RBFOX1: variants seen among roughly 807,000 people sequenced by gnomAD.
RBFOX1 encodes the protein RNA binding protein fox-1 homolog 1.
In RBFOX1, 8 loss-of-function variants were observed where a neutral mutation model predicts 57.7. The observed-to-expected ratio is 0.14, with a 90% confidence interval of 0.08 to 0.25. RBFOX1 has a LOEUF of 0.25. Among genes scored for constraint, RBFOX1 ranks in the 10% least tolerant of loss-of-function variants. RBFOX1 has a pLI of 1.00. For synonymous variants in RBFOX1, 326 were observed against 222.4 expected (o/e 1.47, Z -4.15); for missense variants, 611 against 548.5 (o/e 1.11, Z -1.14).
intron 3 of RBFOX1, among the ~76,000 whole-genome samples, chr16:6,860,642 T>G (rs1274947540): frequency 6.6e-6 from 1 of 152,298 alleles, no homozygotes; most frequent in Admixed American, 6.5e-5. Flanking sequence ...AACCAGACAT[T>G]AATTGTCCAC....
chr16:5,694,836 C>T (rs527443037), intron 3 of RBFOX1, among the ~76,000 whole-genome samples: 7 of 151,040 alleles, frequency 4.6e-5, no homozygotes, highest in Admixed American at 1.3e-4. Context: ...GCAATTGGAG[C>T]GATGGGGAGA....
chr16:6,590,434 A>G (rs1031907140), intron 2 of RBFOX1, among the ~76,000 whole-genome samples: 10 of 152,138 alleles, frequency 6.6e-5, no homozygotes, highest in African/African-American at 2.2e-4. Context: ...TGTAGGTGGT[A>G]TAGAATTCCA....
chr16:7,245,275 T>C (rs1358003465), intron 4 of RBFOX1, among the ~76,000 whole-genome samples: 2 of 152,236 alleles, frequency 1.3e-5, no homozygotes, highest in Non-Finnish European at 1.5e-5. Flanking sequence ...TTGAGAGCTT[T>C]GAAGATGTTA....
intron 3 of RBFOX1, among the ~76,000 whole-genome samples, chr16:6,759,437 T>C (rs78691748): frequency 4.6e-5 from 7 of 151,684 alleles, no homozygotes; most frequent in South Asian, 2.1e-4. Flanking sequence ...ATTAATTCTT[T>C]AGTCAACCAA....
intron 4 of RBFOX1, among the ~76,000 whole-genome samples, chr16:7,259,068 A>T (rs1466137796): frequency 1.3e-5 from 2 of 152,172 alleles, no homozygotes; most frequent in Non-Finnish European, 2.9e-5. Flanking sequence ...CTAAAATGAA[A>T]CAAAGCTACT....
intron 4 of RBFOX1, among the ~76,000 whole-genome samples, chr16:7,414,446 TG>T (rs2098459807): frequency 6.6e-6 from 1 of 152,202 alleles, no homozygotes; most frequent in Non-Finnish European, 1.5e-5. Flanking sequence ...TCAATTAAAA[TG>T]TGATTCTTTC....
chr16:6,986,387 C>G (rs867344534), intron 3 of RBFOX1, among the ~76,000 whole-genome samples: 1 of 151,814 alleles, frequency 6.6e-6, no homozygotes, highest in African/African-American at 2.4e-5. Context: ...CTAGTAGAGA[C>G]GGGGTTTCAC....
chr16:6,079,529 G>A (rs1008253551), intron 1 of RBFOX1, among the ~76,000 whole-genome samples: 23 of 151,996 alleles, frequency 1.5e-4, no homozygotes, highest in Non-Finnish European at 5.9e-5. Flanking sequence ...TTGCTGTGTT[G>A]TCCAGGCTGG....
chr16:5,357,060 C>T (rs1392870887), intron 1 of RBFOX1, among the ~76,000 whole-genome samples: 2 of 152,154 alleles, frequency 1.3e-5, no homozygotes, highest in African/African-American at 2.4e-5. Flanking sequence ...TGACACAGTT[C>T]GACAGCAGTA....
chr16:7,512,080 T>C (rs1340959608), intron 4 of RBFOX1, among the ~76,000 whole-genome samples: 1 of 135,292 alleles, frequency 7.4e-6, no homozygotes, highest in Non-Finnish European at 1.7e-5. Flanking sequence ...TATCAGAAGC[T>C]CTCTCTGATC....
intron 1 of RBFOX1, among the ~76,000 whole-genome samples, chr16:6,091,903 C>G (rs1051248020): frequency 6.6e-6 from 1 of 152,136 alleles, no homozygotes; most frequent in African/African-American, 2.4e-5. Context: ...TTTACTTTTG[C>G]TTCTGCTACT....
chr16:7,057,581 C>G (rs528086788), intron 4 of RBFOX1, among the ~76,000 whole-genome samples: 127 of 152,162 alleles, frequency 8.3e-4, no homozygotes, highest in Non-Finnish European at 1.6e-3. Context: ...TTGGCTTAGT[C>G]TGGATCAGTT....
At chr16:7,424,673 A>G (rs1354675002) in intron 4 of RBFOX1, among the ~76,000 whole-genome samples, 1 of 152,204 alleles carries the variant, frequency 6.6e-6, no homozygotes, top group Non-Finnish European at 1.5e-5. Context: ...TGTAGTGCCC[A>G]GGATAAGAAG....
At chr16:6,596,783 A>G (rs1272889389) in intron 2 of RBFOX1, among the ~76,000 whole-genome samples, 1 of 152,304 alleles carries the variant, frequency 6.6e-6, no homozygotes, top group Non-Finnish European at 1.5e-5. Flanking sequence ...ATGCACAGCC[A>G]CACACAATAC....
chr16:6,956,011 C>T (rs1568068954), intron 3 of RBFOX1, among the ~76,000 whole-genome samples: 1 of 152,112 alleles, frequency 6.6e-6, no homozygotes, highest in Non-Finnish European at 1.5e-5. Context: ...CGGCCTCCAT[C>T]ACTTTTTGTA....
chr16:7,519,828 A>C, intron 5 of RBFOX1: 1 of 668,578 alleles, frequency 1.5e-6, no homozygotes. Context: ...AACACTGACT[A>C]ACTTTGCTAC....
chr16:5,878,236 A>G (rs2057666547), intron 4 of RBFOX1, among the ~76,000 whole-genome samples: 1 of 152,142 alleles, frequency 6.6e-6, no homozygotes, highest in African/African-American at 2.4e-5. Flanking sequence ...GATAACAGTG[A>G]TGGTGGTGGT....
At chr16:6,028,721 C>A (rs1054887094) in intron 1 of RBFOX1, among the ~76,000 whole-genome samples, 5 of 152,070 alleles carry the variant, frequency 3.3e-5, no homozygotes, top group Admixed American at 3.3e-4. Context: ...AAAGATTTCT[C>A]ATTTCTGATT....
intron 4 of RBFOX1, among the ~76,000 whole-genome samples, chr16:7,255,117 T>C (rs1426328216): frequency 6.6e-6 from 1 of 152,166 alleles, no homozygotes; most frequent in African/African-American, 2.4e-5. Context: ...GTGCCAAAAA[T>C]AACCCCATCT....
Sources: gnomAD v4.1 joint callset for allele counts (sites outside exome capture counted in the v4.1 genomes callset) on GRCh38, gnomAD v4.1.1 for gene constraint, MANE v1.5 for transcripts, NCBI Gene and HGNC (gene_info 2026-07-23, HGNC 2026-07-21) for gene names.